The following STAU2 variants were observed in gnomAD, a reference collection of about 807,000 sequenced individuals.
STAU2 encodes double-stranded RNA-binding protein Staufen homolog 2.
A neutral mutation model predicts 65.9 loss-of-function variants in STAU2; 20 were observed. The ratio of observed to expected loss-of-function variants is 0.30; its 90% CI spans 0.21 to 0.44. The LOEUF (loss-of-function observed/expected upper bound fraction) is 0.44. Among genes scored for constraint, STAU2 ranks in the 20% least tolerant of loss-of-function variants. The probability of loss-of-function intolerance (pLI) is 1.00; values close to 1 mark genes in which losing one functional copy is unlikely to be tolerated. For missense variants in STAU2, 558 were observed against 683.9 expected, an observed-to-expected ratio of 0.82 and a Z score of 2.05; for synonymous variants, 232 against 233.9, an observed-to-expected ratio of 0.99 and a Z score of 0.07.
intron 10 of STAU2, among the ~76,000 whole-genome samples, chr8:73,596,483 A>G (rs1811195595): frequency 6.6e-6 from 1 of 152,198 alleles, no homozygotes; most frequent in Admixed American, 6.5e-5. Context: ...AAAATACACA[A>G]CTATAGTTGA....
chr8:73,592,356 T>C (rs934019414), intron 11 of STAU2, among the ~76,000 whole-genome samples: 1 of 152,072 alleles, frequency 6.6e-6, no homozygotes, highest in African/African-American at 2.4e-5. Flanking sequence ...AAGGGAATGT[T>C]ATAAACAATT....
chr8:73,469,186 T>C (rs1819832732), intron 13 of STAU2, among the ~76,000 whole-genome samples: 1 of 152,184 alleles, frequency 6.6e-6, no homozygotes, highest in Admixed American at 6.5e-5. Flanking sequence ...ACTGTCATTC[T>C]CAGCAAACTA....
chr8:73,522,223 G>A (rs749697445), intron 13 of STAU2, among the ~76,000 whole-genome samples: 4 of 152,166 alleles, frequency 2.6e-5, no homozygotes, highest in Non-Finnish European at 5.9e-5. Context: ...TAATTAGAAG[G>A]TGACTAATGT....
chr8:73,528,515 T>G (rs554096693), intron 13 of STAU2, among the ~76,000 whole-genome samples: 2 of 152,202 alleles, frequency 1.3e-5, no homozygotes, highest in Non-Finnish European at 2.9e-5. Flanking sequence ...ATCCTTCCAT[T>G]TATCCACTGT....
chr8:73,650,383 C>T lies in STAU2; in HGVS notation c.410+22724G>A, dbSNP rs1358437730. ...TATTAGAGTATAATACAGATGTTAT[C>T]GTATCATAAATTTTTTGTTTTAGTG... On this transcript the variant is annotated intron_variant, in intron 6 of 14. Coordinates refer to ENST00000524300, the MANE Select transcript of STAU2 (RefSeq NM_001164380.2). Among the ~76,000 whole-genome samples the T allele has an allele frequency of 3.3e-5, 5 of 151,874 alleles. No homozygotes were observed. The South Asian group carries it at 6.3e-4, about 19-fold the overall frequency.
chr8:73,438,663 A>G (rs960436351), intron 13 of STAU2, among the ~76,000 whole-genome samples: 6 of 152,230 alleles, frequency 3.9e-5, no homozygotes, highest in African/African-American at 1.4e-4. Flanking sequence ...TCTTGTGTCC[A>G]GCGAGGGCAA....
intron 13 of STAU2, among the ~76,000 whole-genome samples, chr8:73,479,777 TAAA>T (rs1289867913): frequency 6.6e-6 from 1 of 150,460 alleles, no homozygotes; most frequent in Non-Finnish European, 1.5e-5. Flanking sequence ...CATTTTGAAA[TAAA>T]ACATCCTACT....
At chr8:73,502,260 AAGCACCAG>A (rs1051375058) in intron 13 of STAU2, among the ~76,000 whole-genome samples, 2 of 61,876 alleles carry the variant, frequency 3.2e-5, no homozygotes, top group African/African-American at 1.7e-4. Flanking sequence ...AGAATTGCAG[AAGCACCAG>A]AAAAAAAATT....
At chr8:73,698,574 T>A (rs1819847143) in intron 4 of STAU2, among the ~76,000 whole-genome samples, 1 of 152,160 alleles carries the variant, frequency 6.6e-6, no homozygotes, top group Admixed American at 6.5e-5. Context: ...CATTATATAA[T>A]GATAAAGGGG....
intron 9 of STAU2, among the ~76,000 whole-genome samples, chr8:73,608,300 C>G (rs887312624): frequency 6.6e-6 from 1 of 151,956 alleles, no homozygotes; most frequent in African/African-American, 2.4e-5. Flanking sequence ...AAAAAAGGAA[C>G]CAACTTAAAA....
rs112614159 is a variant in STAU2, at chr8:73,554,575, C to T, written c.1223-2256G>A. Among the ~76,000 whole-genome samples, 868 of 152,240 alleles carry T rather than the reference C, an allele frequency of 5.7e-3. 9 individuals are homozygous for T. The highest frequency in any genetic ancestry group is 0.02 in the African/African-American group (818 of 41,552). On this transcript the variant is annotated intron_variant, in intron 12 of 14. Transcript: ENST00000524300. ...AGGAGGGATTATGGCATGAGGGTAT[C>T]TTAAATTTCCCTGCCAATTAAGATC...
intron 13 of STAU2, among the ~76,000 whole-genome samples, chr8:73,503,562 C>CT (rs34906276): frequency 0.4 from 58,724 of 146,426 alleles, 12,922 homozygotes; most frequent in Non-Finnish European, 0.5. Context: ...TCCAACAGCA[C>CT]TTTTTTTTTT....
At chr8:73,703,861 G>A (rs551423076) in intron 4 of STAU2, among the ~76,000 whole-genome samples, 2 of 152,176 alleles carry the variant, frequency 1.3e-5, no homozygotes, top group African/African-American at 4.8e-5. Flanking sequence ...CACTGGAAAT[G>A]TTTGTTCTTT....
chr8:73,499,117 T>C lies in STAU2; in HGVS notation c.1530+52895A>G, dbSNP rs150089864. On this transcript the variant is annotated intron_variant, in intron 13 of 14. Transcript: ENST00000524300. ...CTGCTGGCCCACCTTCAACTCAAACTGCAATATTAACTCTGCCTGTTTCCA... is the reference window on the plus strand; with the variant it reads ...CTGCTGGCCCACCTTCAACTCAAACCGCAATATTAACTCTGCCTGTTTCCA... Among the ~76,000 whole-genome samples, 29 of 151,952 alleles carry C rather than the reference T, an allele frequency of 1.9e-4. No homozygotes were observed. In the East Asian group the frequency reaches 5.4e-3, roughly 28 times the overall value.
At chr8:73,675,063 C>T (rs9692937) in intron 5 of STAU2, among the ~76,000 whole-genome samples, 147,586 of 151,370 alleles carry the variant, frequency 0.98, 71,962 homozygotes, top group East Asian at 1. Context: ...AGTCACAGTA[C>T]ATTTAAGAAA....
At chr8:73,482,347 AAAAAACTGTCTTTT>A in intron 13 of STAU2, among the ~76,000 whole-genome samples, 1 of 152,106 alleles carries the variant, frequency 6.6e-6, no homozygotes, top group South Asian at 2.1e-4. Flanking sequence ...TGATCTTAAA[AAAAAACTGTCTTTT>A]TTTTAGTTGA....
In STAU2 at chr8:73,435,752, G is replaced by A. The variant is rs145707500; in HGVS notation, c.1531-13050C>T. On this transcript the variant is annotated intron_variant, in intron 13 of 14. Coordinates refer to ENST00000524300, the MANE Select transcript of STAU2 (RefSeq NM_001164380.2). ...CTCATCTTCGAGGTCTGAAACAAGT[G>A]TTTTGCCCTCTTCAGGCCAGTCTGG... Among the ~76,000 whole-genome samples the A allele has an allele frequency of 1.2e-4, 19 of 152,084 alleles. No homozygotes were observed. The East Asian group carries it at 3.7e-3, about 29-fold the overall frequency.
intron 12 of STAU2, among the ~76,000 whole-genome samples, chr8:73,570,082 A>G (rs893846691): frequency 6.6e-6 from 1 of 152,176 alleles, no homozygotes; most frequent in Non-Finnish European, 1.5e-5. Context: ...AAGATTCGAC[A>G]AACGGCTAAC....
chr8:73,575,030 T>C (rs1244454305), intron 12 of STAU2, among the ~76,000 whole-genome samples: 1 of 151,180 alleles, frequency 6.6e-6, no homozygotes, highest in African/African-American at 2.4e-5. Flanking sequence ...TTTTAAAATG[T>C]CATTCAAATA....
Sources: gnomAD v4.1 joint callset for allele counts (sites outside exome capture counted in the v4.1 genomes callset) on GRCh38, gnomAD v4.1.1 for gene constraint, MANE v1.5 for transcripts, NCBI Gene and HGNC (gene_info 2026-07-23, HGNC 2026-07-21) for gene names.